Variants in RGS12 observed in about 807,000 individuals in gnomAD.
RGS12 encodes regulator of G-protein signaling 12.
RGS12 carries 66 observed loss-of-function variants against 120.1 expected under a neutral mutation model. That is an observed-to-expected ratio of 0.55 (90% CI 0.45 to 0.67). The LOEUF is 0.67. RGS12 is among the 30% of genes least tolerant of loss of function. The pLI is 0.00. For synonymous variants in RGS12, 827 were observed against 804.7 expected, an observed-to-expected ratio of 1.03 and a Z score of -0.47; for missense variants, 1,859 against 1,957.7, an observed-to-expected ratio of 0.95 and a Z score of 0.95.
intron 2 of RGS12, among the ~76,000 whole-genome samples, chr4:3,322,848 A>G (rs1217059497): frequency 6.6e-6 from 1 of 152,222 alleles, no homozygotes; most frequent in Non-Finnish European, 1.5e-5. Flanking sequence ...AGGTACTCCC[A>G]GGAGTCCTGA....
At position 3,316,782 on chromosome 4, in the gene RGS12, T is replaced by C. The variant is rs769562148; in HGVS notation, c.612T>C (p.His204=). The change falls in exon 2 of 18, where the codon CAT becomes CAC. Residue 204 remains histidine, a synonymous_variant. Transcript: ENST00000336727. ...AGGAGGAAATATCAAAAGTTATTCA[T>C]GATGATTCGGTTTTCAGCATTGGAC... The part of the protein sequence containing the change: ...LSKEEISKVI[H]DDSVFSIGLE... The C allele has an allele frequency of 6.2e-7, 1 of 1,614,118 alleles. No individual in the cohort carries two copies. The highest frequency in any genetic ancestry group is 1.3e-5 in the African/African-American group (1 of 74,942).
intron 17 of RGS12, among the ~76,000 whole-genome samples, chr4:3,435,075 C>T (rs1034496335): frequency 2.0e-5 from 3 of 152,122 alleles, no homozygotes; most frequent in East Asian, 1.9e-4. Context: ...GCTCACTGGG[C>T]GGGCTCAGGG....
intron 10 of RGS12, 30 bp downstream of exon 10, chr4:3,420,748 G>C: frequency 1.3e-6 from 2 of 1,583,798 alleles, no homozygotes; most frequent in Non-Finnish European, 8.6e-7. Context: ...CGTCCCACAG[G>C]CCTCAGGGGT....
At chr4:3,289,419 GT>G (rs1722964900), upstream of RGS12, among the ~76,000 whole-genome samples, 1 of 152,106 alleles carries the variant, frequency 6.6e-6, no homozygotes, top group South Asian at 2.1e-4. Flanking sequence ...GCCCAGGCTG[GT>G]CTCCAACTCC....
At chr4:3,425,073 C>T (rs1723465241) in intron 13 of RGS12, among the ~76,000 whole-genome samples, 1 of 152,262 alleles carries the variant, frequency 6.6e-6, no homozygotes, top group Non-Finnish European at 1.5e-5. Flanking sequence ...TTCATTTCAG[C>T]CTCAAACCTG....
chr4:3,304,910 A>G (rs989439605), intron 1 of RGS12, among the ~76,000 whole-genome samples: 6 of 152,238 alleles, frequency 3.9e-5, no homozygotes, highest in Non-Finnish European at 8.8e-5. Flanking sequence ...TGGGATCAGG[A>G]GTCCTGCCTG....
At position 3,390,526 on chromosome 4, in the gene RGS12, A is replaced by G. The variant is rs926006889; in HGVS notation, c.2020+4089A>G. 1.3e-5 allele frequency among the ~76,000 whole-genome samples: 2 copies of G among 151,986 alleles called. No homozygotes were observed. Among genetic ancestry groups the G allele is most frequent in the African/African-American group, 2.4e-5 (1 of 41,352 alleles). The stretch of plus-strand genomic sequence containing the variant: ...AGCACACACAAGCACAGAAGCAGAA[A>G]CTCCTGTGTGACTGGTGTTGCGGGG... On this transcript the variant is annotated intron_variant, in intron 4 of 17. Coordinates refer to ENST00000336727, the MANE Select transcript of RGS12 (RefSeq NM_001394154.1). This position sits in a 1 kb window ranked among gnomAD's most constrained non-coding sequence, Gnocchi z 4.6.
rs746241791 is a variant in RGS12, at chr4:3,316,345, C to T, written c.175C>T (p.Arg59Ter). Residue 59 changes from arginine (R) to a stop codon, truncating the protein, a stop_gained, in exon 2 of 18, where the codon CGA becomes TGA. Coordinates refer to ENST00000336727, the MANE Select transcript of RGS12 (RefSeq NM_001394154.1). LOFTEE classifies it high-confidence loss of function. The part of the protein sequence containing the change: ...RGSPADFVGL[R>*]AGDQILAVNE... Reference sequence around the variant, plus strand: ...GAGCCCTGCGGATTTCGTGGGCCTCCGAGCTGGAGACCAGATACTTGCTGT... The same window carrying T: ...GAGCCCTGCGGATTTCGTGGGCCTCTGAGCTGGAGACCAGATACTTGCTGT... The T allele has an allele frequency of 1.5e-5, 24 of 1,611,590 alleles. No individual in the cohort carries two copies. Among genetic ancestry groups the T allele is most frequent in the Admixed American group, 1.3e-4 (8 of 59,370 alleles).
At chr4:3,357,274 G>C (rs1714981704) in intron 3 of RGS12, among the ~76,000 whole-genome samples, 3 of 152,054 alleles carry the variant, frequency 2.0e-5, no homozygotes, top group Admixed American at 2.0e-4. Flanking sequence ...ATGTATTCCA[G>C]ATATTAACCC....
chr4:3,296,345 C>A (rs1037690120), intron 1 of RGS12, among the ~76,000 whole-genome samples: 1 of 151,812 alleles, frequency 6.6e-6, no homozygotes, highest in African/African-American at 2.4e-5. Flanking sequence ...CCATGCCCAG[C>A]TAATTTTTTC....
intron 4 of RGS12, among the ~76,000 whole-genome samples, chr4:3,393,823 G>C (rs1401535249): frequency 6.6e-6 from 1 of 152,130 alleles, no homozygotes; most frequent in Non-Finnish European, 1.5e-5. Context: ...GTAAAGTTCA[G>C]AACAAAACTC....
intron 2 of RGS12, among the ~76,000 whole-genome samples, chr4:3,321,572 G>C (rs927786505): frequency 2.5e-4 from 38 of 152,334 alleles, no homozygotes; most frequent in African/African-American, 8.2e-4. Flanking sequence ...CCCAGCGTCT[G>C]TATGCACCCT....
chr4:3,328,026 T>C (rs1725678468), intron 2 of RGS12, among the ~76,000 whole-genome samples: 1 of 152,236 alleles, frequency 6.6e-6, no homozygotes, highest in South Asian at 2.1e-4. Context: ...AAAGGAAACA[T>C]GGCATCTATA....
intron 6 of RGS12, among the ~76,000 whole-genome samples, 166 bp downstream of exon 6, chr4:3,415,010 CGT>C (rs1269817003): frequency 6.9e-5 from 3 of 43,286 alleles, no homozygotes; most frequent in Non-Finnish European, 1.5e-4. Flanking sequence ...GTGTGAGGGG[CGT>C]GTGTGAGAGG....
intron 1 of RGS12, among the ~76,000 whole-genome samples, chr4:3,311,205 T>A (rs557919935): frequency 5.3e-5 from 8 of 152,284 alleles, no homozygotes; most frequent in Admixed American, 5.2e-4. Context: ...CGCCTCACAC[T>A]GTGTGCACGG....
In RGS12 at chr4:3,422,586, G is replaced by T; in HGVS notation, c.3033+16G>T. The T allele has an allele frequency of 6.2e-7, 1 of 1,605,712 alleles. No homozygotes were observed. Among genetic ancestry groups the T allele is most frequent in the South Asian group, 1.1e-5 (1 of 90,594 alleles). On this transcript the variant is annotated intron_variant, in intron 11 of 17. Transcript: ENST00000336727. ...CGGGGACAAGGTACTGGGCCCGCCT[G>T]ACCCTCGTGCTGCCCTCAGGCCATG...
intron 3 of RGS12, 182 bp from the exon 4 acceptor site, chr4:3,386,234 G>A (rs1018429210): frequency 2.4e-5 from 15 of 631,510 alleles, no homozygotes; most frequent in Non-Finnish European, 3.1e-5. Flanking sequence ...TAGTTTGGGC[G>A]GAGTGGGAGC....
upstream of RGS12, among the ~76,000 whole-genome samples, chr4:3,291,852 G>A (rs920788941): frequency 6.6e-6 from 1 of 152,162 alleles, no homozygotes; most frequent in Non-Finnish European, 1.5e-5. Flanking sequence ...CCCGGCTCCC[G>A]GACCGCGCCT....
In RGS12 at chr4:3,370,153, G is replaced by C. The variant is rs976222418; in HGVS notation, c.1999-16263G>C. The C allele has an allele frequency of 5.2e-6, 8 of 1,546,880 alleles. No individual in the cohort carries two copies. In the African/African-American group the frequency reaches 9.5e-5, roughly 18 times the overall value. ...GTGTCCTGTTGCCATGGGTTACGAA[G>C]GGAGCGAGAGGGAACTTCATCGGAA... On this transcript the variant is annotated intron_variant, in intron 3 of 17. Transcript: ENST00000336727.
Sources: allele counts gnomAD v4.1 joint callset (sites outside exome capture counted in the v4.1 genomes callset), GRCh38; gene constraint gnomAD v4.1.1; non-coding constraint Gnocchi (gnomAD v3.1); transcripts MANE v1.5; gene names NCBI Gene and HGNC (gene_info 2026-07-23, HGNC 2026-07-21).